GTF3C1: variants seen among roughly 807,000 people sequenced by gnomAD.
The protein encoded by GTF3C1 is general transcription factor 3C polypeptide 1.
Under a neutral mutation model 226.7 loss-of-function variants are expected in GTF3C1, and 57 were observed. The ratio of observed to expected loss-of-function variants is 0.25; its 90% CI spans 0.20 to 0.31. The LOEUF is 0.31. Ranked by LOEUF, GTF3C1 falls within the 10% of genes least tolerant of loss-of-function variation. The pLI is 1.00. For missense variants in GTF3C1, 2,217 were observed against 2,776.1 expected, an observed-to-expected ratio of 0.80 and a Z score of 4.53; for synonymous variants, 1,090 against 1,084.8, an observed-to-expected ratio of 1.00 and a Z score of -0.09.
chr16:27,528,174 T>C (rs891826135), intron 6 of GTF3C1, among the ~76,000 whole-genome samples: 3 of 151,046 alleles, frequency 2.0e-5, no homozygotes, highest in South Asian at 2.1e-4. Flanking sequence ...ACTCAGGAGG[T>C]TGAGGCAGGA....
intron 25 of GTF3C1, among the ~76,000 whole-genome samples, chr16:27,483,882 C>T (rs1567391344): frequency 6.6e-6 from 1 of 152,222 alleles, no homozygotes; most frequent in East Asian, 1.9e-4. Context: ...GAAAAGCCAG[C>T]CTCTGCCTCT....
chr16:27,510,162 G>C (rs1264612512), intron 7 of GTF3C1, among the ~76,000 whole-genome samples: 1 of 152,060 alleles, frequency 6.6e-6, no homozygotes, highest in Non-Finnish European at 1.5e-5. Flanking sequence ...GAGGCAGGTG[G>C]ATCACGAGGT....
rs563028239 is a variant in GTF3C1 at position 27,521,892 on chromosome 16, A to T, written c.973+6706T>A. ...TGTTTTTCTAATCTTGATTCTTTTT[A>T]ATTCCAGTTTTTTGGTTTCAAAGCT... On this transcript the variant is annotated intron_variant, in intron 6 of 36. Transcript: ENST00000356183. Among the ~76,000 whole-genome samples, 3 of 150,902 alleles carry T rather than the reference A, an allele frequency of 2.0e-5. No homozygotes were observed. In the East Asian group the frequency reaches 5.9e-4, roughly 29 times the overall value.
chr16:27,491,141 A>G (rs1342487122), intron 19 of GTF3C1, among the ~76,000 whole-genome samples: 2 of 152,230 alleles, frequency 1.3e-5, no homozygotes, highest in Non-Finnish European at 2.9e-5. Flanking sequence ...GTTTCTAAAT[A>G]CAAGTGCTAT....
At chr16:27,546,582 C>T (rs564014225) in intron 1 of GTF3C1, among the ~76,000 whole-genome samples, 24 of 150,344 alleles carry the variant, frequency 1.6e-4, no homozygotes, top group South Asian at 1.0e-3. Context: ...CTCAAGTAAT[C>T]TGCCCACTTC....
At chr16:27,484,387 G>A (rs752307803) in intron 24 of GTF3C1, 34 bp from the exon 25 acceptor site, 2 of 1,538,572 alleles carry the variant, frequency 1.3e-6, no homozygotes, top group East Asian at 2.3e-5. Context: ...CAAAAAGTCA[G>A]TATCCTCAGA....
In GTF3C1 at chr16:27,497,683, A is replaced by G; in HGVS notation, c.2304T>C (p.Asp768=). The G allele has an allele frequency of 1.2e-6, 2 of 1,614,116 alleles. No individual in the cohort carries two copies. Among genetic ancestry groups the G allele is most frequent in the Non-Finnish European group, 1.7e-6 (2 of 1,179,936 alleles). The change falls in exon 14 of 37, where the codon GAT becomes GAC. Residue 768 remains aspartate, a synonymous_variant. Coordinates refer to ENST00000356183, the MANE Select transcript of GTF3C1 (RefSeq NM_001520.4). ...RSESGRMKKS[D]NKMGITPLRN... is the part of the protein sequence containing the mutation. The stretch of plus-strand genomic sequence containing the variant: ...TAAGCGGGGTTATGCCCATTTTATT[A>G]TCACTTTTTTTCATCCGTCCACTTT...
chr16:27,530,487 G>A (rs1398509370), intron 5 of GTF3C1, among the ~76,000 whole-genome samples: 1 of 152,142 alleles, frequency 6.6e-6, no homozygotes, highest in African/African-American at 2.4e-5. Context: ...AAGAGGCAGT[G>A]AGTCTTCGTA....
chr16:27,523,013 ACC>A (rs1327953962), intron 6 of GTF3C1, among the ~76,000 whole-genome samples: 1 of 151,904 alleles, frequency 6.6e-6, no homozygotes, highest in Non-Finnish European at 1.5e-5. Flanking sequence ...CAGCTACTTC[ACC>A]CCACAGCCCT....
chr16:27,483,195 G>T, intron 25 of GTF3C1, 70 bp from the exon 26 acceptor site: 1 of 1,448,932 alleles, frequency 6.9e-7, no homozygotes, highest in Non-Finnish European at 9.7e-7. Context: ...CCTTCAGAGA[G>T]CTCCATTCTC....
At chr16:27,490,914 C>T (rs1207981150) in intron 19 of GTF3C1, among the ~76,000 whole-genome samples, 1 of 152,176 alleles carries the variant, frequency 6.6e-6, no homozygotes, top group Non-Finnish European at 1.5e-5. Flanking sequence ...TTTGCCATTT[C>T]TGCTCATGAA....
rs541939715 is a variant in GTF3C1 at position 27,479,099 on chromosome 16, A to G, written c.4197-568T>C. Among the ~76,000 whole-genome samples, 235 of 152,238 alleles carry G rather than the reference A, an allele frequency of 1.5e-3. 1 individual carries two copies. Among genetic ancestry groups the G allele is most frequent in the Non-Finnish European group, 3.0e-3 (203 of 68,050 alleles). ...TTACATATTTTGAAATTACTAAAAT[A>G]ATAGATTTTTAAGGTTTGTATTGCC... is the stretch of plus-strand genomic sequence containing the variant. On this transcript the variant is annotated intron_variant, in intron 27 of 36. Coordinates refer to ENST00000356183, the MANE Select transcript of GTF3C1 (RefSeq NM_001520.4).
intron 32 of GTF3C1, among the ~76,000 whole-genome samples, chr16:27,468,853 A>G (rs2087822251): frequency 6.6e-6 from 1 of 152,250 alleles, no homozygotes; most frequent in African/African-American, 2.4e-5. Context: ...CGGAATACTT[A>G]TCTTTCCTAG....
intron 29 of GTF3C1, among the ~76,000 whole-genome samples, chr16:27,472,210 G>A (rs1349702866): frequency 1.3e-5 from 2 of 152,266 alleles, no homozygotes; most frequent in East Asian, 1.9e-4. Context: ...CTCCCAAGCC[G>A]ATTTCTTTTG....
chr16:27,538,443 C>A (rs2089033639), intron 2 of GTF3C1, 87 bp from the exon 3 acceptor site: 6 of 808,022 alleles, frequency 7.4e-6, no homozygotes, highest in Non-Finnish European at 1.2e-5. Context: ...GCAGAATCCT[C>A]ATTTCCTGCT....
At chr16:27,508,781 C>G (rs984522914) in intron 7 of GTF3C1, 126 bp from the exon 8 acceptor site, 2 of 673,434 alleles carry the variant, frequency 3.0e-6, no homozygotes, top group Non-Finnish European at 5.2e-6. Context: ...ACAAAACATA[C>G]GCCATTTCTC....
chr16:27,502,745 A>G (rs2088425099), intron 11 of GTF3C1, 114 bp downstream of exon 11: 2 of 1,070,626 alleles, frequency 1.9e-6, no homozygotes, highest in African/African-American at 1.6e-5. Context: ...GAATCTACAC[A>G]GTGGGACAGA....
Position 27,486,153 on chromosome 16 carries a change from T to A in GTF3C1, c.3702A>T (p.Gly1234=). 2 of 1,584,984 alleles carry A rather than the reference T, an allele frequency of 1.3e-6. No individual in the cohort carries two copies. The highest frequency in any genetic ancestry group is 1.7e-6 in the Non-Finnish European group (2 of 1,156,326). ...TTTTGCTTTTTTCTCCTGGGAACTC[T>A]CCTAAAAACACCAGAGGGAGAAGGC... ...PGKKIKRKKK[G]EFPGEKSKRL... The change falls in exon 24 of 37, where the codon GGA becomes GGT. Residue 1234 remains glycine (G), a splice_region_variant and synonymous_variant. Coordinates refer to ENST00000356183, the MANE Select transcript of GTF3C1 (RefSeq NM_001520.4).
At chr16:27,516,187 G>A (rs925369381) in intron 6 of GTF3C1, among the ~76,000 whole-genome samples, 1 of 152,230 alleles carries the variant, frequency 6.6e-6, no homozygotes, top group African/African-American at 2.4e-5. Context: ...ACGATGGCTT[G>A]ACTCCTAGAG....
Sources: allele counts gnomAD v4.1 joint callset (sites outside exome capture counted in the v4.1 genomes callset), GRCh38; gene constraint gnomAD v4.1.1; transcripts MANE v1.5; gene names NCBI Gene and HGNC (gene_info 2026-07-23, HGNC 2026-07-21).